The following SCAPER variants were observed in gnomAD, a reference collection of about 807,000 sequenced individuals.
SCAPER encodes the protein S phase cyclin A-associated protein in the endoplasmic reticulum.
SCAPER carries 98 observed loss-of-function variants against 182.2 expected under a neutral mutation model. The observed-to-expected ratio is 0.54, with a 90% CI of 0.46 to 0.64. SCAPER has a LOEUF of 0.64. SCAPER is among the 30% of genes least tolerant of loss of function. The pLI is 0.00. For missense variants in SCAPER, 1,432 were observed against 1,690.0 expected (o/e 0.85, Z 2.68); for synonymous variants, 605 against 564.6 (o/e 1.07, Z -1.01).
intron 22 of SCAPER, among the ~76,000 whole-genome samples, chr15:76,620,735 T>C (rs1201798218): frequency 6.6e-6 from 1 of 152,128 alleles, no homozygotes; most frequent in Non-Finnish European, 1.5e-5. Flanking sequence ...GAGTCATCTA[T>C]GCAAAATTAA....
At chr15:76,570,257 C>T (rs1269811647) in intron 23 of SCAPER, among the ~76,000 whole-genome samples, 1 of 152,094 alleles carries the variant, frequency 6.6e-6, no homozygotes, top group Non-Finnish European at 1.5e-5. Flanking sequence ...CCTTTAAGAT[C>T]CCAAACCAAA....
chr15:76,714,139 A>G (rs2059750460), intron 17 of SCAPER, among the ~76,000 whole-genome samples: 1 of 152,164 alleles, frequency 6.6e-6, no homozygotes, highest in African/African-American at 2.4e-5. Context: ...GACAAGAGAG[A>G]AAGTAAATCA....
chr15:76,757,402 C>T (rs747001550), intron 14 of SCAPER, among the ~76,000 whole-genome samples: 1 of 152,004 alleles, frequency 6.6e-6, no homozygotes, highest in Non-Finnish European at 1.5e-5. Flanking sequence ...CACGTTGTCA[C>T]AAATGTCAAA....
chr15:76,775,756 A>C (rs529843483), intron 8 of SCAPER, among the ~76,000 whole-genome samples: 1 of 152,298 alleles, frequency 6.6e-6, no homozygotes, highest in South Asian at 2.1e-4. Context: ...CAGAGGATCT[A>C]GTCTAATATT....
In SCAPER at chr15:76,404,598, C is replaced by T; in HGVS notation, c.3393G>A (p.Lys1131=). Residue 1131 remains lysine, a synonymous_variant, in exon 27 of 32, where the codon AAG becomes AAA. Coordinates refer to ENST00000563290, the MANE Select transcript of SCAPER (RefSeq NM_020843.4). ...CGGCATGCTGCAGAAATATGGCCATCTTGGGATTCTCATCCACTGGGCCTT... is the reference window on the plus strand; with the variant it reads ...CGGCATGCTGCAGAAATATGGCCATTTTGGGATTCTCATCCACTGGGCCTT... The part of the protein sequence containing the change: ...SVQGPVDENP[K]MAIFLQHAAG... 1 of 1,613,600 alleles carries T rather than the reference C, an allele frequency of 6.2e-7. No homozygotes were observed. The highest frequency in any genetic ancestry group is 8.5e-7 in the Non-Finnish European group (1 of 1,179,760).
At chr15:76,864,461 A>T (rs955565383) in intron 2 of SCAPER, among the ~76,000 whole-genome samples, 1 of 152,220 alleles carries the variant, frequency 6.6e-6, no homozygotes, top group Non-Finnish European at 1.5e-5. Context: ...AAATCATGTA[A>T]TTAGTTCTCA....
chr15:76,546,668 C>T (rs1328080279), intron 23 of SCAPER, among the ~76,000 whole-genome samples: 4 of 152,058 alleles, frequency 2.6e-5, no homozygotes, highest in Non-Finnish European at 5.9e-5. Flanking sequence ...GTCTGTCACA[C>T]ACAAATGCAT....
rs554364768 is a variant in SCAPER at position 76,556,074 on chromosome 15, C to T, written c.2838+18084G>A. Among the ~76,000 whole-genome samples the T allele has an allele frequency of 1.2e-4, 18 of 152,144 alleles. No homozygotes were observed. The South Asian group carries it at 2.1e-3, about 18-fold the overall frequency. ...CAATAAAGAGAAATGAATACTAGGA[C>T]GGCCACTGAAAACCATATACATAGT... On this transcript the variant is annotated intron_variant, in intron 23 of 31. Coordinates refer to ENST00000563290, the MANE Select transcript of SCAPER (RefSeq NM_020843.4).
At chr15:76,732,515 G>T (rs1004393994) in intron 16 of SCAPER, among the ~76,000 whole-genome samples, 2 of 141,612 alleles carry the variant, frequency 1.4e-5, no homozygotes, top group African/African-American at 5.3e-5. Context: ...CCACCAGAGG[G>T]CTGCTTGGTC....
rs923221338 is a variant in SCAPER, at chr15:76,710,267, G to A, written c.2166-4283C>T. ...TGCCATAAGCCTTTATGTATAAAAA[G>A]TACTAAAGAACCAAAATAATAATAA... On this transcript the variant is annotated intron_variant, in intron 17 of 31. Transcript: ENST00000563290. 2.6e-5 allele frequency among the ~76,000 whole-genome samples: 4 copies of A among 152,124 alleles called. No homozygotes were observed. The East Asian group carries it at 7.7e-4, about 29-fold the overall frequency.
intron 26 of SCAPER, among the ~76,000 whole-genome samples, chr15:76,408,320 T>G (rs140776812): frequency 6.6e-6 from 1 of 152,314 alleles, no homozygotes; most frequent in East Asian, 1.9e-4. Context: ...AACTATTTAT[T>G]TCCTGTAAAA....
chr15:76,872,442 T>C (rs2072792355), intron 2 of SCAPER, among the ~76,000 whole-genome samples: 1 of 151,764 alleles, frequency 6.6e-6, no homozygotes, highest in East Asian at 1.9e-4. Flanking sequence ...ATCTTAACAG[T>C]GTACAGAGAG....
At chr15:76,537,982 C>A (rs867065711) in intron 23 of SCAPER, among the ~76,000 whole-genome samples, 2,536 of 151,784 alleles carry the variant, frequency 0.017, 61 homozygotes, top group African/African-American at 0.052. Context: ...TCATCACTGG[C>A]CATCAGAGAA....
At chr15:76,773,771 A>G (rs2063594596) in intron 9 of SCAPER, among the ~76,000 whole-genome samples, 1 of 151,900 alleles carries the variant, frequency 6.6e-6, no homozygotes. Flanking sequence ...CTACAGGTAA[A>G]AAGAGAAAGA....
In SCAPER at chr15:76,612,215, A is replaced by AGCT. The variant is rs561901826; in HGVS notation, c.2711+9546_2711+9548dup. ...AGAAAATCCCAGTCTCAGCCCAAAA[A>AGCT]GCTGCTGCTGCTGCTGCTGCTTCTT... is the stretch of plus-strand genomic sequence containing the variant. On this transcript the variant is annotated intron_variant, in intron 22 of 31. Coordinates refer to ENST00000563290, the MANE Select transcript of SCAPER (RefSeq NM_020843.4). Among the ~76,000 whole-genome samples the AGCT allele has an allele frequency of 8.4e-4, 127 of 152,078 alleles. 1 individual carries two copies. The Middle Eastern group carries it at 0.01, about 12-fold the overall frequency.
At chr15:76,668,774 A>T (rs2056804238) in intron 20 of SCAPER, among the ~76,000 whole-genome samples, 1 of 152,184 alleles carries the variant, frequency 6.6e-6, no homozygotes, top group Admixed American at 6.5e-5. Context: ...TATGCCTAGA[A>T]CTGTGCCTGG....
intron 21 of SCAPER, among the ~76,000 whole-genome samples, chr15:76,660,623 A>G (rs2056071546): frequency 6.6e-6 from 1 of 152,142 alleles, no homozygotes; most frequent in Admixed American, 6.5e-5. Context: ...AAAAAATAAA[A>G]ACAAAAACAA....
intron 25 of SCAPER, among the ~76,000 whole-genome samples, chr15:76,454,932 T>G (rs1567172809): frequency 6.6e-6 from 1 of 152,134 alleles, no homozygotes; most frequent in Admixed American, 6.5e-5. Flanking sequence ...CTTGAGTTAG[T>G]CTGGTGAGTT....
At chr15:76,570,037 T>C (rs2047325698) in intron 23 of SCAPER, among the ~76,000 whole-genome samples, 1 of 152,170 alleles carries the variant, frequency 6.6e-6, no homozygotes, top group Non-Finnish European at 1.5e-5. Context: ...ATTTATTTTG[T>C]TGAGATAATT....
Sources: allele counts gnomAD v4.1 joint callset (sites outside exome capture counted in the v4.1 genomes callset), GRCh38; gene constraint gnomAD v4.1.1; transcripts MANE v1.5; gene names NCBI Gene and HGNC (gene_info 2026-07-23, HGNC 2026-07-21).